NTN5: variants seen among roughly 807,000 people sequenced by gnomAD.
NTN5 encodes the protein netrin 5.
NTN5 carries 42 observed loss-of-function variants against 38.7 expected under a neutral mutation model. The observed-to-expected ratio is 1.08, with a 90% CI of 0.85 to 1.40. The LOEUF (loss-of-function observed/expected upper bound fraction) is 1.40. Ranked by LOEUF, NTN5 falls within the 40% of genes most tolerant of loss-of-function variation. The pLI is 0.00. For missense variants in NTN5, 658 were observed against 716.5 expected, an observed-to-expected ratio of 0.92 and a Z score of 0.93; for synonymous variants, 329 against 303.9, an observed-to-expected ratio of 1.08 and a Z score of -0.86.
chr19:48,672,412 T>C (rs1220709371), intron 1 of NTN5, among the ~76,000 whole-genome samples: 1 of 152,080 alleles, frequency 6.6e-6, no homozygotes, highest in Non-Finnish European at 1.5e-5. Context: ...GGGCTGGGCA[T>C]CTCTGGGGCA....
At position 48,664,136 on chromosome 19, in the gene NTN5, GACTT is replaced by G; in HGVS notation, c.970+3_970+6del. 2 of 1,601,840 alleles carry G rather than the reference GACTT, an allele frequency of 1.2e-6. No homozygotes were observed. The highest frequency in any genetic ancestry group is 1.7e-6 in the Non-Finnish European group (2 of 1,174,734). ...TCAGGCTTGTGGCCTGGCCCCTCAA[GACTT>G]ACGCTGGCAGGGCATCCTGGGGGAG... On this transcript the variant is annotated splice_donor_5th_base_variant and intron_variant, in intron 4 of 6. Transcript: ENST00000270235.
intron 6 of NTN5, 161 bp downstream of exon 6, chr19:48,663,302 T>G: frequency 1.4e-6 from 1 of 734,800 alleles, no homozygotes; most frequent in Non-Finnish European, 2.5e-6. Context: ...CCCTCCCCAT[T>G]TGTCTTCTGC....
At position 48,661,893 on chromosome 19, in the gene NTN5, G is replaced by T. The variant is rs1322117068; in HGVS notation, c.1254C>A (p.Cys418Ter). Residue 418 changes from cysteine to a stop codon, truncating the protein, a stop_gained, in exon 7 of 7, where the codon TGC becomes TGA. Coordinates refer to ENST00000270235, the MANE Select transcript of NTN5 (RefSeq NM_145807.4). LOFTEE classifies it low-confidence loss of function (END_TRUNC). ...DAWVPRADLT[C>*]GCLRLQPGTD... Reference sequence around the variant, plus strand: ...TGCCTGGCTGCAGGCGCAGGCAGCCGCAGGTCAGGTCGGCGCGGGGCACCC... The same window carrying T: ...TGCCTGGCTGCAGGCGCAGGCAGCCTCAGGTCAGGTCGGCGCGGGGCACCC... 8 of 1,352,192 alleles carry T rather than the reference G, an allele frequency of 5.9e-6. No individual in the cohort carries two copies. Among genetic ancestry groups the T allele is most frequent in the Non-Finnish European group, 7.6e-6 (8 of 1,054,556 alleles). 83.8% of individuals were successfully genotyped at this position (1,352,192 alleles called of 1,614,324 possible).
In NTN5 at chr19:48,664,113, A is replaced by G. The variant is rs1289801493; in HGVS notation, c.970+30T>C. 3 of 1,585,122 alleles carry G rather than the reference A, an allele frequency of 1.9e-6. 1 individual carries two copies. Among genetic ancestry groups the G allele is most frequent in the Non-Finnish European group, 8.6e-7 (1 of 1,166,102 alleles). Reference sequence around the variant, plus strand: ...GGGATGTCTCCTTCCCGCTCTACTCAGGCTTGTGGCCTGGCCCCTCAAGAC... The same window carrying G: ...GGGATGTCTCCTTCCCGCTCTACTCGGGCTTGTGGCCTGGCCCCTCAAGAC... On this transcript the variant is annotated intron_variant, in intron 4 of 6. Coordinates refer to ENST00000270235, the MANE Select transcript of NTN5 (RefSeq NM_145807.4).
rs1273991577 is a variant in NTN5 at position 48,670,370 on chromosome 19, G to A, written c.617C>T (p.Pro206Leu). ...WPWRPATPRHPHPCLPCSCNQ... is the reference protein window; with the variant it reads ...WPWRPATPRHLHPCLPCSCNQ... ...GCAGGACTCACGTAGGCAAGGGTGG[G>A]GGTGCCGGGGCGTGGCAGGCCGCCA... is the stretch of plus-strand genomic sequence containing the variant. The change falls in exon 2 of 7, where the codon CCC becomes CTC. Residue 206 changes from proline to leucine, a missense_variant. Pro to Leu is a moderately conservative substitution (Grantham distance 98). Coordinates refer to ENST00000270235, the MANE Select transcript of NTN5 (RefSeq NM_145807.4). 9.9e-6 allele frequency: 14 copies of A among 1,413,824 alleles called. No homozygotes were observed. Among genetic ancestry groups the A allele is most frequent in the African/African-American group, 1.5e-5 (1 of 65,724 alleles). 87.6% of individuals were successfully genotyped at this position (1,413,824 alleles called of 1,614,324 possible).
chr19:48,662,077 G>C (rs1478708391), intron 6 of NTN5, 36 bp from the exon 7 acceptor site: 1 of 1,415,064 alleles, frequency 7.1e-7, no homozygotes, highest in Non-Finnish European at 9.2e-7. Context: ...AGGTCGTGGG[G>C]AGCTTCCAGG....
rs781600847 is a variant in NTN5 at position 48,672,978 on chromosome 19, T to C, written c.-67A>G. On this transcript the variant is annotated 5_prime_UTR_variant, in exon 1 of 7. Transcript: ENST00000270235. ...CCTGCAGCCAGTTCCCCGCAGGCTC[T>C]TCCTCCAAGCTGTGGCGCGGTGGGC... 2 of 307,390 alleles carry C rather than the reference T, an allele frequency of 6.5e-6. No individual in the cohort carries two copies. The highest frequency in any genetic ancestry group is 4.0e-5 in the Admixed American group (1 of 25,192). 19.0% of individuals were successfully genotyped at this position (307,390 alleles called of 1,614,324 possible).
Position 48,670,570 on chromosome 19 carries a change from A to G in NTN5, c.417T>C (p.Arg139=). 6.4e-7 allele frequency: 1 copy of G among 1,558,292 alleles called. No individual in the cohort carries two copies. The highest frequency in any genetic ancestry group is 8.7e-7 in the Non-Finnish European group (1 of 1,151,998). ...PKATVAASHL[R]VEFGGQAGLA... ...GCCCGGCCTGGCCCCCAAACTCCACACGGAGGTGGCTGGCCGCCACAGTGG... is the reference window on the plus strand; with the variant it reads ...GCCCGGCCTGGCCCCCAAACTCCACGCGGAGGTGGCTGGCCGCCACAGTGG... Residue 139 remains arginine (R), a synonymous_variant, in exon 2 of 7, where the codon CGT becomes CGC. Transcript: ENST00000270235.
In NTN5 at chr19:48,671,026, C is replaced by T; in HGVS notation, c.-20-20G>A. Reference sequence around the variant, plus strand: ...CAGCACCTGGAGGGAAGAGAGGTGGCTGGGCTGGGGATCTCAGCCGCAGCC... The same window carrying T: ...CAGCACCTGGAGGGAAGAGAGGTGGTTGGGCTGGGGATCTCAGCCGCAGCC... On this transcript the variant is annotated intron_variant, in intron 1 of 6. Coordinates refer to ENST00000270235, the MANE Select transcript of NTN5 (RefSeq NM_145807.4). The T allele has an allele frequency of 6.8e-7, 1 of 1,471,360 alleles. No individual in the cohort carries two copies. The highest frequency in any genetic ancestry group is 1.4e-5 in the African/African-American group (1 of 70,932). 91.1% of individuals were successfully genotyped at this position (1,471,360 alleles called of 1,614,324 possible).
chr19:48,669,738 A>G (rs1179339325), intron 2 of NTN5, among the ~76,000 whole-genome samples: 1 of 125,904 alleles, frequency 7.9e-6, no homozygotes, highest in East Asian at 2.7e-4. Flanking sequence ...CACCATCACC[A>G]TCACCACCAC....
At chr19:48,668,071 G>A (rs761306924) in intron 2 of NTN5, among the ~76,000 whole-genome samples, 6 of 152,152 alleles carry the variant, frequency 3.9e-5, no homozygotes, top group Non-Finnish European at 5.9e-5. Context: ...AGGAGGGGCT[G>A]TTGGAGGGAG....
Position 48,663,525 on chromosome 19 carries a change from T to C in NTN5, c.1043A>G (p.Tyr348Cys), listed in dbSNP as rs185401904. 6.2e-7 allele frequency: 1 copy of C among 1,614,190 alleles called. No individual in the cohort carries two copies. The highest frequency in any genetic ancestry group is 1.3e-5 in the African/African-American group (1 of 75,068). ...AYSSDPQCQN[Y>C]CNMSDTRVHM... is the part of the protein sequence containing the mutation. ...TACCCTGGTGTCCGACATATTGCAG[T>C]AGTTTTGACACTGAGGGTCTGGGGA... Residue 348 changes from tyrosine to cysteine, a missense_variant, in exon 6 of 7, where the codon TAC (tyrosine) becomes TGC (cysteine). Physicochemically the swap from Tyr to Cys is radical, Grantham distance 194. Transcript: ENST00000270235.
intron 1 of NTN5, among the ~76,000 whole-genome samples, chr19:48,672,115 G>A (rs1384382258): frequency 1.3e-5 from 2 of 152,190 alleles, no homozygotes; most frequent in African/African-American, 4.8e-5. Flanking sequence ...CCCATCCAGA[G>A]TTCCCCAGAG....
rs372557527 is a variant in NTN5, at chr19:48,663,819, G to A, written c.971-5C>T. Reference sequence around the variant, plus strand: ...TGGTTGTTGCCTCTGGAATTCCTGTGAGACCAAAGGAGAAATTAACCTCTT... The same window carrying A: ...TGGTTGTTGCCTCTGGAATTCCTGTAAGACCAAAGGAGAAATTAACCTCTT... On this transcript the variant is annotated splice_region_variant and splice_polypyrimidine_tract_variant and intron_variant, in intron 4 of 6. Coordinates refer to ENST00000270235, the MANE Select transcript of NTN5 (RefSeq NM_145807.4). 18 of 1,613,472 alleles carry A rather than the reference G, an allele frequency of 1.1e-5. No individual in the cohort carries two copies. The highest frequency in any genetic ancestry group is 1.4e-5 in the Non-Finnish European group (17 of 1,179,524).
chr19:48,662,038 A>T lies in NTN5; in HGVS notation c.1109T>A (p.Leu370His). The change falls in exon 7 of 7, where the codon CTC becomes CAC. Residue 370 changes from leucine to histidine, a missense_variant. Physicochemically the swap from Leu to His is moderately conservative, Grantham distance 99. Coordinates refer to ENST00000270235, the MANE Select transcript of NTN5 (RefSeq NM_145807.4). ...CTCGGACGCTAGCACCTGCGCGCGG[A>T]GAACTGTGGGGAGGGGAGATGTCAG... ...LRRYCQQDHV[L>H]RAQVLASEAA... The T allele has an allele frequency of 6.8e-7, 1 of 1,476,120 alleles. No homozygotes were observed. 91.4% of individuals were successfully genotyped at this position (1,476,120 alleles called of 1,614,324 possible). A position where few individuals can be genotyped will look rare whatever the true frequency, so the allele number is the denominator to read the frequency against.
At position 48,670,857 on chromosome 19, in the gene NTN5, G is replaced by A. The variant is rs2031943861; in HGVS notation, c.130C>T (p.Pro44Ser). The change falls in exon 2 of 7, where the codon CCT becomes TCT. Residue 44 changes from proline (P) to serine (S), a missense_variant. Physicochemically the swap from Pro to Ser is moderately conservative, Grantham distance 74. Transcript: ENST00000270235. ...TQLAAVAASCPQACALSPGNH... is the reference protein window; with the variant it reads ...TQLAAVAASCSQACALSPGNH... ...CCTGGGGACAGGGCACAGGCCTGAG[G>A]GCAGGAGGCCGCCACGGCAGCCAGC... is the stretch of plus-strand genomic sequence containing the variant. 6.2e-7 allele frequency: 1 copy of A among 1,612,046 alleles called. No individual in the cohort carries two copies. The highest frequency in any genetic ancestry group is 2.2e-5 in the East Asian group (1 of 44,872).
intron 2 of NTN5, among the ~76,000 whole-genome samples, chr19:48,665,443 A>G (rs2031676994): frequency 6.6e-6 from 1 of 150,602 alleles, no homozygotes; most frequent in Admixed American, 6.6e-5. Flanking sequence ...CTCAAAAAAA[A>G]AAAAAAAAGG....
rs114909456 is a variant in NTN5, at chr19:48,664,594, G to C, written c.805C>G (p.Arg269Gly). 1.9e-6 allele frequency: 3 copies of C among 1,612,514 alleles called. No individual in the cohort carries two copies. The African/African-American group carries it at 4.0e-5, about 22-fold the overall frequency. Residue 269 changes from arginine to glycine, a missense_variant, in exon 3 of 7, where the codon CGC (arginine) becomes GGC (glycine). Coordinates refer to ENST00000270235, the MANE Select transcript of NTN5 (RefSeq NM_145807.4). ...CCACACTCACCTCTGCAGGCCCTGC[G>C]GCTGAAGATAGGCTGGCTAGGGTCC... ...WRDPSQPIFS[R>G]RACRACQCHP...
chr19:48,661,695 A>G lies in NTN5; in HGVS notation c.1452T>C (p.Ser484=), dbSNP rs281392. 983,232 of 1,546,836 alleles carry G rather than the reference A, an allele frequency of 0.64. 318,615 individuals carry two copies. The highest frequency in any genetic ancestry group is 0.74 in the Middle Eastern group (4,339 of 5,826). Residue 484 remains serine, a synonymous_variant, in exon 7 of 7, where the codon AGT becomes AGC. Coordinates refer to ENST00000270235, the MANE Select transcript of NTN5 (RefSeq NM_145807.4). ...CTCACGTCTAGTGCTCCGGCCTGGGACTGGGTGTGGGTGCCCGCACGCCGC... is the reference window on the plus strand; with the variant it reads ...CTCACGTCTAGTGCTCCGGCCTGGGGCTGGGTGTGGGTGCCCGCACGCCGC... ...GCRGVRAPTP[S]PRPEH is the part of the protein sequence containing the mutation.
Sources: gnomAD v4.1 joint callset for allele counts (sites outside exome capture counted in the v4.1 genomes callset) on GRCh38, gnomAD v4.1.1 for gene constraint, MANE v1.5 for transcripts, NCBI Gene and HGNC (gene_info 2026-07-23, HGNC 2026-07-21) for gene names.